Variants in RPS6KA2 observed in about 807,000 individuals in gnomAD.
RPS6KA2 encodes ribosomal protein S6 kinase A2, also known as ribosomal protein S6 kinase alpha-2.
Under a neutral mutation model 91.8 loss-of-function variants are expected in RPS6KA2, and 42 were observed. The observed-to-expected ratio is 0.46, with a 90% CI of 0.36 to 0.59. RPS6KA2 has a LOEUF of 0.59. RPS6KA2 is among the 20% of genes least tolerant of loss of function. The pLI is 0.00. For missense variants in RPS6KA2, 798 were observed against 978.5 expected (o/e 0.82, Z 2.46); for synonymous variants, 414 against 393.6 (o/e 1.05, Z -0.61).
intron 2 of RPS6KA2, among the ~76,000 whole-genome samples, chr6:166,752,733 C>T (rs918136593): frequency 4.6e-5 from 7 of 152,162 alleles, no homozygotes; most frequent in African/African-American, 1.7e-4. Context: ...CTCCCACCTG[C>T]GGTCCCCACA....
chr6:166,743,497 CCA>C (rs1476584727), intron 2 of RPS6KA2, among the ~76,000 whole-genome samples: 1 of 152,174 alleles, frequency 6.6e-6, no homozygotes, highest in East Asian at 1.9e-4. Context: ...GTGCTTGAGG[CCA>C]CACACACTTA....
At chr6:166,519,187 G>A (rs554282611) in intron 3 of RPS6KA2, among the ~76,000 whole-genome samples, 8 of 152,244 alleles carry the variant, frequency 5.3e-5, no homozygotes, top group Non-Finnish European at 1.2e-4. Context: ...AAAACCAAGT[G>A]AAGAGGTTTC....
chr6:166,758,287 C>T (rs1778074693), intron 2 of RPS6KA2, among the ~76,000 whole-genome samples: 1 of 152,244 alleles, frequency 6.6e-6, no homozygotes, highest in African/African-American at 2.4e-5. Context: ...GCCTCCGCCC[C>T]AGAGACACAG....
rs79374800 is a variant in RPS6KA2 at position 166,854,457 on chromosome 6, G to A, written c.123+3743C>T. Among the ~76,000 whole-genome samples the A allele has an allele frequency of 7.0e-3, 1,048 of 150,230 alleles. 10 individuals carry two copies. The highest frequency in any genetic ancestry group is 0.024 in the African/African-American group (985 of 41,444). ...TTGGAGTGATCACAGCACCTCCTGCGCTCCTCCAGGGCAAGCCTCGCTCAC... is the reference window on the plus strand; with the variant it reads ...TTGGAGTGATCACAGCACCTCCTGCACTCCTCCAGGGCAAGCCTCGCTCAC... On this transcript the variant is annotated intron_variant, in intron 2 of 21. Transcript: ENST00000503859.
rs944910326 is a variant in RPS6KA2 at position 166,574,211 on chromosome 6, G to A, written c.100-35427C>T. Reference sequence around the variant, plus strand: ...GGAGGTCCATGTGCAGGTTTGTTACGTGGGTCTATTGCATGACGCTGTGGC... The same window carrying A: ...GGAGGTCCATGTGCAGGTTTGTTACATGGGTCTATTGCATGACGCTGTGGC... On this transcript the variant is annotated intron_variant, in intron 1 of 20. Coordinates refer to ENST00000265678, the MANE Select transcript of RPS6KA2 (RefSeq NM_021135.6). 3.3e-5 allele frequency among the ~76,000 whole-genome samples: 5 copies of A among 152,172 alleles called. No individual in the cohort carries two copies. The East Asian group carries it at 5.8e-4, about 18-fold the overall frequency.
At chr6:166,695,833 A>C (rs1025768173) in intron 2 of RPS6KA2, among the ~76,000 whole-genome samples, 1 of 151,818 alleles carries the variant, frequency 6.6e-6, no homozygotes, top group Non-Finnish European at 1.5e-5. Context: ...TCACAGGAGC[A>C]CTGGATTCTC....
chr6:166,726,587 C>G lies in RPS6KA2; in HGVS notation c.123+131613G>C, dbSNP rs538554919. Among the ~76,000 whole-genome samples the G allele has an allele frequency of 6.6e-6, 1 of 152,226 alleles. No individual in the cohort carries two copies. The highest frequency in any genetic ancestry group is 1.5e-5 in the Non-Finnish European group (1 of 68,044). On this transcript the variant is annotated intron_variant, in intron 2 of 21. Transcript: ENST00000503859. This position sits in a 1 kb window ranked among gnomAD's most constrained non-coding sequence, Gnocchi z 4.4. ...AACTTAAGACGTTTCTGAAGTGACTCACCAACTGATCCAAAATATATAACC... is the reference window on the plus strand; with the variant it reads ...AACTTAAGACGTTTCTGAAGTGACTGACCAACTGATCCAAAATATATAACC...
chr6:166,485,008 C>A (rs1781357793), intron 10 of RPS6KA2, among the ~76,000 whole-genome samples: 1 of 152,212 alleles, frequency 6.6e-6, no homozygotes, highest in Non-Finnish European at 1.5e-5. Flanking sequence ...CCGGGGGAAA[C>A]CTGAGGCTCG....
intron 1 of RPS6KA2, among the ~76,000 whole-genome samples, chr6:166,614,865 C>T (rs1007341621): frequency 6.6e-6 from 1 of 152,188 alleles, no homozygotes; most frequent in African/African-American, 2.4e-5. Context: ...TAGGGCCTCC[C>T]CAGATTATCC....
chr6:166,683,727 C>G (rs1349453484), intron 2 of RPS6KA2, among the ~76,000 whole-genome samples: 1 of 152,252 alleles, frequency 6.6e-6, no homozygotes, highest in Non-Finnish European at 1.5e-5. Flanking sequence ...GGAAACACAT[C>G]TGGAGCTTTT....
intron 11 of RPS6KA2, among the ~76,000 whole-genome samples, chr6:166,469,527 C>T (rs1026587613): frequency 1.3e-5 from 2 of 152,050 alleles, no homozygotes; most frequent in South Asian, 2.1e-4. Context: ...ATGCAGGGCT[C>T]GGAGAGGCCG....
intron 2 of RPS6KA2, among the ~76,000 whole-genome samples, chr6:166,798,309 C>T (rs992668894): frequency 2.0e-5 from 3 of 152,218 alleles, no homozygotes; most frequent in Non-Finnish European, 4.4e-5. Context: ...GGATGAGTTA[C>T]AGCTGGCCTC....
intron 1 of RPS6KA2, among the ~76,000 whole-genome samples, chr6:166,540,807 G>A (rs1036204301): frequency 6.6e-6 from 1 of 152,234 alleles, no homozygotes; most frequent in African/African-American, 2.4e-5. Context: ...ATCCACGTGT[G>A]TCACTGCCTG....
rs1486821185 is a variant in RPS6KA2 at position 166,648,103 on chromosome 6, C to T, written c.124-109319G>A. Among the ~76,000 whole-genome samples the T allele has an allele frequency of 8.3e-6, 1 of 119,928 alleles. No homozygotes were observed. The highest frequency in any genetic ancestry group is 1.8e-5 in the Non-Finnish European group (1 of 55,002). The allele number at this position is 119,928 out of a possible 152,430, so 78.7% of individuals were successfully genotyped here. ...ATGGTCATACACACACGCTCATACA[C>T]ACACGTGCACACACACGCTCATACA... On this transcript the variant is annotated intron_variant, in intron 2 of 21. Coordinates refer to the RPS6KA2 transcript ENST00000503859. The surrounding 1 kb of genome is among the most constrained non-coding windows in gnomAD (Gnocchi z 4.8).
exon 1 of RPS6KA2, chr6:166,862,426 G>A: frequency 7.6e-7 from 1 of 1,318,626 alleles, no homozygotes; most frequent in Non-Finnish European, 9.8e-7. Flanking sequence ...TGCCAAGCCA[G>A]GGCTCTGGGG....
intron 2 of RPS6KA2, among the ~76,000 whole-genome samples, chr6:166,673,452 G>A (rs560982565): frequency 6.6e-6 from 1 of 152,344 alleles, no homozygotes; most frequent in South Asian, 2.1e-4. Flanking sequence ...AAATGACTGA[G>A]TCGCTGTCCC....
At chr6:166,545,201 T>A (rs981233342) in intron 1 of RPS6KA2, among the ~76,000 whole-genome samples, 3 of 152,238 alleles carry the variant, frequency 2.0e-5, no homozygotes, top group African/African-American at 7.2e-5. Flanking sequence ...ACTGCATCTA[T>A]TCGATACAAT....
intron 2 of RPS6KA2, among the ~76,000 whole-genome samples, chr6:166,798,208 G>C (rs768738293): frequency 6.6e-6 from 1 of 152,246 alleles, no homozygotes; most frequent in Non-Finnish European, 1.5e-5. Context: ...GCTCTTCAGA[G>C]CCCAATGTCA....
intron 1 of RPS6KA2, among the ~76,000 whole-genome samples, chr6:166,543,857 C>A (rs1783737849): frequency 7.4e-6 from 1 of 135,424 alleles, no homozygotes; most frequent in Non-Finnish European, 1.6e-5. Context: ...GTGGAATGCA[C>A]ATACGTGAGT....
Sources: allele counts gnomAD v4.1 joint callset (sites outside exome capture counted in the v4.1 genomes callset), GRCh38; gene constraint gnomAD v4.1.1; non-coding constraint Gnocchi (gnomAD v3.1); transcripts MANE v1.5; gene names NCBI Gene and HGNC (gene_info 2026-07-23, HGNC 2026-07-21).